The following LRRTM4 variants were observed in gnomAD, a reference collection of about 807,000 sequenced individuals.
LRRTM4 encodes the protein leucine-rich repeat transmembrane neuronal protein 4.
A neutral mutation model predicts 47.6 loss-of-function variants in LRRTM4; 25 were observed. That is an observed-to-expected ratio of 0.53 (90% CI 0.38 to 0.73). The LOEUF (loss-of-function observed/expected upper bound fraction) is 0.73. LRRTM4 is among the 30% of genes least tolerant of loss of function. The pLI is 0.00. For missense variants in LRRTM4, 638 were observed against 713.4 expected (o/e 0.89, Z 1.20); for synonymous variants, 311 against 269.5 (o/e 1.15, Z -1.51).
chr2:76,782,222 G>A (rs1674435038), intron 3 of LRRTM4, among the ~76,000 whole-genome samples: 1 of 152,164 alleles, frequency 6.6e-6, no homozygotes, highest in Non-Finnish European at 1.5e-5. Flanking sequence ...TGCAGCGATG[G>A]CTTCACAAAT....
rs145612756 is a variant in LRRTM4 at position 76,886,711 on chromosome 2, C to T, written c.1552-137795G>A. 6.4e-4 allele frequency among the ~76,000 whole-genome samples: 97 copies of T among 151,824 alleles called. 1 individual carries two copies. In the East Asian group the frequency reaches 7.2e-3, roughly 11 times the overall value. ...TTTTTAAGAATAACCACTTAGAAAGCGAAGTGGCTGAAAAAAATTAATGAA... is the reference window on the plus strand; with the variant it reads ...TTTTTAAGAATAACCACTTAGAAAGTGAAGTGGCTGAAAAAAATTAATGAA... On this transcript the variant is annotated intron_variant, in intron 3 of 3. Transcript: ENST00000409884.
intron 3 of LRRTM4, among the ~76,000 whole-genome samples, chr2:77,360,181 G>C (rs903104904): frequency 6.6e-6 from 1 of 152,074 alleles, no homozygotes; most frequent in African/African-American, 2.4e-5. Context: ...TTGTAGGCCG[G>C]GAACAGTGGC....
At chr2:76,847,428 C>G (rs1265694355) in intron 3 of LRRTM4, among the ~76,000 whole-genome samples, 1 of 152,068 alleles carries the variant, frequency 6.6e-6, no homozygotes, top group Non-Finnish European at 1.5e-5. Flanking sequence ...GAGCCAATGA[C>G]TTTCCTATTT....
At chr2:77,207,142 TTATA>T (rs35745580) in intron 3 of LRRTM4, among the ~76,000 whole-genome samples, 5,795 of 136,776 alleles carry the variant, frequency 0.042, 397 homozygotes, top group African/African-American at 0.15. Context: ...TATTTTATAT[TTATA>T]TATATATATA....
intron 3 of LRRTM4, among the ~76,000 whole-genome samples, chr2:77,186,059 GT>G (rs1379398974): frequency 6.6e-6 from 1 of 152,162 alleles, no homozygotes; most frequent in African/African-American, 2.4e-5. Flanking sequence ...AAGCTACAGA[GT>G]GGCAGAACGG....
At chr2:77,032,748 A>G (rs1678707245) in intron 3 of LRRTM4, among the ~76,000 whole-genome samples, 1 of 152,092 alleles carries the variant, frequency 6.6e-6, no homozygotes, top group East Asian at 1.9e-4. Flanking sequence ...TACCGATTTA[A>G]TTCTTTTAGG....
chr2:76,887,120 TA>T (rs1290493889), intron 3 of LRRTM4, among the ~76,000 whole-genome samples: 2 of 151,562 alleles, frequency 1.3e-5, no homozygotes, highest in Non-Finnish European at 3.0e-5. Flanking sequence ...AAATAAAGTG[TA>T]AATGAAAAAA....
chr2:77,511,703 T>A (rs1037001007), intron 3 of LRRTM4, among the ~76,000 whole-genome samples: 3 of 152,162 alleles, frequency 2.0e-5, no homozygotes, highest in African/African-American at 7.2e-5. Flanking sequence ...TTCCTTTTAA[T>A]TATGCTTCTT....
intron 3 of LRRTM4, among the ~76,000 whole-genome samples, chr2:77,463,858 T>C (rs1676880902): frequency 6.6e-6 from 1 of 152,134 alleles, no homozygotes; most frequent in Non-Finnish European, 1.5e-5. Flanking sequence ...GTGTACAGTG[T>C]ACAATGTTAA....
chr2:76,955,170 GATAA>G (rs1675629711), intron 3 of LRRTM4, among the ~76,000 whole-genome samples: 1 of 151,816 alleles, frequency 6.6e-6, no homozygotes, highest in African/African-American at 2.4e-5. Flanking sequence ...TAAATTTATA[GATAA>G]ATAAAAATAT....
chr2:77,362,149 G>GAA lies in LRRTM4; in HGVS notation c.1551+156167_1551+156168dup, dbSNP rs1338715191. ...AGAAAGAAAGAAAGAAAGAAAGAAA[G>GAA]AAAGAAAGAAAGAAAGAAAGAAAGG... is the stretch of plus-strand genomic sequence containing the variant. On this transcript the variant is annotated intron_variant, in intron 3 of 3. Transcript: ENST00000409884. Among the ~76,000 whole-genome samples, 44 of 150,912 alleles carry GAA rather than the reference G, an allele frequency of 2.9e-4. 1 individual carries two copies. The South Asian group carries it at 9.0e-3, about 31-fold the overall frequency.
At chr2:77,476,663 C>T (rs535579237) in intron 3 of LRRTM4, among the ~76,000 whole-genome samples, 1 of 152,142 alleles carries the variant, frequency 6.6e-6, no homozygotes, top group Admixed American at 6.5e-5. Flanking sequence ...GTTCTAATGA[C>T]ATATTTCATG....
intron 3 of LRRTM4, among the ~76,000 whole-genome samples, chr2:77,222,236 T>C (rs1674657885): frequency 6.6e-6 from 1 of 152,148 alleles, no homozygotes; most frequent in Non-Finnish European, 1.5e-5. Context: ...TAGCACCGAA[T>C]GCCCACAAGA....
At chr2:77,509,879 C>T (rs1678917676) in intron 3 of LRRTM4, among the ~76,000 whole-genome samples, 1 of 152,086 alleles carries the variant, frequency 6.6e-6, no homozygotes, top group Non-Finnish European at 1.5e-5. Flanking sequence ...ACCTCTTTTT[C>T]ACCCCTTGAT....
intron 3 of LRRTM4, among the ~76,000 whole-genome samples, chr2:77,046,163 A>G (rs1182326908): frequency 1.3e-5 from 2 of 151,918 alleles, no homozygotes; most frequent in Admixed American, 6.6e-5. Flanking sequence ...CAGTTCAACT[A>G]TTTATGTGAA....
intron 3 of LRRTM4, among the ~76,000 whole-genome samples, chr2:77,103,240 G>A (rs1401948320): frequency 6.6e-6 from 1 of 152,106 alleles, no homozygotes; most frequent in Non-Finnish European, 1.5e-5. Flanking sequence ...GACATTTGAA[G>A]AAGGAAAATA....
intron 3 of LRRTM4, among the ~76,000 whole-genome samples, chr2:77,302,289 G>A (rs548799376): frequency 1.3e-5 from 2 of 152,282 alleles, no homozygotes; most frequent in South Asian, 4.1e-4. Context: ...CATGATATCA[G>A]TTCCAGGCCT....
At chr2:77,166,612 A>G (rs1341724512) in intron 3 of LRRTM4, among the ~76,000 whole-genome samples, 1 of 152,330 alleles carries the variant, frequency 6.6e-6, no homozygotes, top group African/African-American at 2.4e-5. Context: ...ACAGAGATAT[A>G]GACCAATGGA....
intron 3 of LRRTM4, among the ~76,000 whole-genome samples, chr2:77,018,627 G>C (rs1017561198): frequency 1.3e-5 from 2 of 151,852 alleles, no homozygotes; most frequent in African/African-American, 2.4e-5. Flanking sequence ...ATTATGATAA[G>C]AAATATAAAC....
Sources: allele counts gnomAD v4.1 joint callset (sites outside exome capture counted in the v4.1 genomes callset), GRCh38; gene constraint gnomAD v4.1.1; transcripts MANE v1.5; gene names NCBI Gene and HGNC (gene_info 2026-07-23, HGNC 2026-07-21).